SMOX: variants seen among roughly 807,000 people sequenced by gnomAD.
The protein encoded by SMOX is spermine oxidase.
Under a neutral mutation model 51.0 loss-of-function variants are expected in SMOX, and 22 were observed. The observed-to-expected ratio is 0.43, with a 90% CI of 0.31 to 0.62. The LOEUF (loss-of-function observed/expected upper bound fraction) is 0.62, where lower values mean the gene tolerates loss of function less well. Ranked by LOEUF, SMOX falls within the 20% of genes least tolerant of loss-of-function variation. The probability of loss-of-function intolerance (pLI) is 0.10; values close to 1 mark genes in which losing one functional copy is unlikely to be tolerated. For missense variants in SMOX, 566 were observed against 777.7 expected, an observed-to-expected ratio of 0.73 and a Z score of 3.24; for synonymous variants, 282 against 307.8, an observed-to-expected ratio of 0.92 and a Z score of 0.88.
At position 4,181,765 on chromosome 20, in the gene SMOX, G is replaced by GAC; in HGVS notation, c.436-37_436-36insCA. On this transcript the variant is annotated intron_variant, in intron 3 of 6. Transcript: ENST00000305958. This position sits in a 1 kb window ranked among gnomAD's most constrained non-coding sequence, Gnocchi z 5.6. Reference sequence around the variant, plus strand: ...GGCCTTCTGTTTGAGATGGAGGTGTGATGAGGTGTTTTCAGTCTCATGGGG... The same window carrying GAC: ...GGCCTTCTGTTTGAGATGGAGGTGTGACATGAGGTGTTTTCAGTCTCATGGGG... 1 of 1,601,324 alleles carries GAC rather than the reference G, an allele frequency of 6.2e-7. No homozygotes were observed. Among genetic ancestry groups the GAC allele is most frequent in the Non-Finnish European group, 8.5e-7 (1 of 1,172,948 alleles).
intron 1 of SMOX, 96 bp from the exon 2 acceptor site, chr20:4,174,934 C>A: frequency 1.6e-6 from 2 of 1,286,148 alleles, no homozygotes; most frequent in Non-Finnish European, 2.2e-6. Flanking sequence ...CCACCCACAA[C>A]AGAGGGCAGA....
In SMOX at chr20:4,175,127, G is replaced by A; in HGVS notation, c.72G>A (p.Gln24=). 1 of 1,614,242 alleles carries A rather than the reference G, an allele frequency of 6.2e-7. No individual in the cohort carries two copies. Among genetic ancestry groups the A allele is most frequent in the South Asian group, 1.1e-5 (1 of 91,082 alleles). Residue 24 remains glutamine, a synonymous_variant, in exon 2 of 7, where the codon CAG becomes CAA. Transcript: ENST00000305958. The part of the protein sequence containing the change: ...PLSRGLRRRG[Q]PRVVVIGAGL... ...GTCGCGGCCTACGGAGAAGGGGACA[G>A]CCTCGTGTGGTGGTGATCGGCGCCG...
Position 4,149,730 on chromosome 20 carries a change from A to G in SMOX, c.-27+753A>G, listed in dbSNP as rs1470201725. ...GGCCCGCGGAGCTTGCGCCAGGGGGACTTGGCCCGATGAGATACGCTCGGT... is the reference window on the plus strand; with the variant it reads ...GGCCCGCGGAGCTTGCGCCAGGGGGGCTTGGCCCGATGAGATACGCTCGGT... On this transcript the variant is annotated intron_variant, in intron 1 of 6. Transcript: ENST00000305958. The surrounding 1 kb of genome is among the most constrained non-coding windows in gnomAD (Gnocchi z 6.0). 1.3e-5 allele frequency among the ~76,000 whole-genome samples: 2 copies of G among 152,006 alleles called. No homozygotes were observed. The highest frequency in any genetic ancestry group is 2.4e-5 in the African/African-American group (1 of 41,382).
Position 4,181,803 on chromosome 20 carries a change from G to A in SMOX, c.436G>A (p.Val146Ile). The A allele has an allele frequency of 6.2e-7, 1 of 1,613,852 alleles. No individual in the cohort carries two copies. The highest frequency in any genetic ancestry group is 1.7e-5 in the Admixed American group (1 of 60,002). ...VEEFSDLYNE[V>I]YNLTQEFFRH... ...CAGTCTCATGGGGTCTCTCTGGCAGGTCTATAACTTGACCCAGGAGTTCTT... is the reference window on the plus strand; with the variant it reads ...CAGTCTCATGGGGTCTCTCTGGCAGATCTATAACTTGACCCAGGAGTTCTT... The change falls in exon 4 of 7, where the codon GTC (valine) becomes ATC (isoleucine). Residue 146 changes from valine to isoleucine, a missense_variant and splice_region_variant. Physicochemically the swap from Val to Ile is conservative, Grantham distance 29 (BLOSUM62 3). Coordinates refer to ENST00000305958, the MANE Select transcript of SMOX (RefSeq NM_175839.3). This position sits in a 1 kb window ranked among gnomAD's most constrained non-coding sequence, Gnocchi z 5.6.
In SMOX at chr20:4,187,218, C is replaced by CT. The variant is rs1409497533; in HGVS notation, c.1531-50dup. ...TGGTGGAGAGGGGTGGCCTTGTGGC[C>CT]TTCTGGCCTTTGCTGCTCCTCCACC... is the stretch of plus-strand genomic sequence containing the variant. On this transcript the variant is annotated intron_variant, in intron 6 of 6. Coordinates refer to ENST00000305958, the MANE Select transcript of SMOX (RefSeq NM_175839.3). The surrounding 1 kb of genome is among the most constrained non-coding windows in gnomAD (Gnocchi z 4.8). 1.3e-6 allele frequency: 2 copies of CT among 1,576,502 alleles called. No individual in the cohort carries two copies. Among genetic ancestry groups the CT allele is most frequent in the Non-Finnish European group, 1.7e-6 (2 of 1,157,590 alleles).
rs1165885896 is a variant in SMOX at position 4,170,848 on chromosome 20, G to C, written c.-26-4182G>C. ...GGGGGAGGCGGTGGCCTGCAGGCTG[G>C]AGAACTGGCTGCGTGGTATCTTGGA... is the stretch of plus-strand genomic sequence containing the variant. On this transcript the variant is annotated intron_variant, in intron 1 of 6. Transcript: ENST00000305958. This position sits in a 1 kb window ranked among gnomAD's most constrained non-coding sequence, Gnocchi z 4.6. 6.6e-6 allele frequency among the ~76,000 whole-genome samples: 1 copy of C among 152,188 alleles called. No individual in the cohort carries two copies. The highest frequency in any genetic ancestry group is 1.5e-5 in the Non-Finnish European group (1 of 68,034).
rs180822100 is a variant in SMOX at position 4,187,708 on chromosome 20, G to C, written c.*301G>C. On this transcript the variant is annotated 3_prime_UTR_variant, in exon 7 of 7. Coordinates refer to ENST00000305958, the MANE Select transcript of SMOX (RefSeq NM_175839.3). This position sits in a 1 kb window ranked among gnomAD's most constrained non-coding sequence, Gnocchi z 4.8. ...TTTGCATTTTGGGATAATAAAAAAG[G>C]CTCCCTCCCCTGCCCCTCAGCTTCT... The C allele has an allele frequency of 3.5e-6, 1 of 283,692 alleles. No individual in the cohort carries two copies. Among genetic ancestry groups the C allele is most frequent in the Non-Finnish European group, 6.6e-6 (1 of 151,276 alleles). The allele number at this position is 283,692 out of a possible 1,614,324, so 17.6% of individuals were successfully genotyped here.
At chr20:4,180,551 C>A (rs1261936831) in intron 3 of SMOX, among the ~76,000 whole-genome samples, 1 of 152,214 alleles carries the variant, frequency 6.6e-6, no homozygotes, top group African/African-American at 2.4e-5. Flanking sequence ...CGCCTTCTTG[C>A]TCACGGCCCT....
chr20:4,175,010 G>C lies in SMOX; in HGVS notation c.-26-20G>C. 4.4e-6 allele frequency: 7 copies of C among 1,607,776 alleles called. No individual in the cohort carries two copies. Among genetic ancestry groups the C allele is most frequent in the Admixed American group, 1.7e-5 (1 of 59,960 alleles). On this transcript the variant is annotated intron_variant, in intron 1 of 6. Transcript: ENST00000305958. ...AGTGAAGGCAGAGCCACTAAGCTGT[G>C]ACACCTCCTCCCCCTGCAGGTTCCT...
Position 4,182,437 on chromosome 20 carries a change from T to G in SMOX, c.958T>G (p.Cys320Gly), listed in dbSNP as rs1451656008. The change falls in exon 5 of 7, where the codon TGT (cysteine) becomes GGT (glycine). Residue 320 changes from cysteine to glycine, a missense_variant. By Grantham distance (159) the Cys-to-Gly change is radical. Around this residue, in one of 3 missense-constraint regions of SMOX, gnomAD observed 347 missense variants for 481.8 expected, o/e 0.72. Transcript: ENST00000305958. This position sits in a 1 kb window ranked among gnomAD's most constrained non-coding sequence, Gnocchi z 8.4. ...GTCGGTGGTGGTGGAGTGCGAGGAC[T>G]GTGAGCTGATCCCGGCGGACCATGT... The part of the protein sequence containing the change: ...QWSVVVECED[C>G]ELIPADHVIV... 2.5e-6 allele frequency: 4 copies of G among 1,601,818 alleles called. No individual in the cohort carries two copies. The highest frequency in any genetic ancestry group is 3.4e-6 in the Non-Finnish European group (4 of 1,173,600).
rs532134900 is a variant in SMOX at position 4,177,825 on chromosome 20, T to G, written c.435+248T>G. On this transcript the variant is annotated intron_variant, in intron 3 of 6. Transcript: ENST00000305958. This position sits in a 1 kb window ranked among gnomAD's most constrained non-coding sequence, Gnocchi z 4.3. ...TGTATTAATTTATATTCTAATAATATTTTGGAATTTATGTATATAACTCTA... is the reference window on the plus strand; with the variant it reads ...TGTATTAATTTATATTCTAATAATAGTTTGGAATTTATGTATATAACTCTA... Among the ~76,000 whole-genome samples, 1 of 152,328 alleles carries G rather than the reference T, an allele frequency of 6.6e-6. No individual in the cohort carries two copies. Among genetic ancestry groups the G allele is most frequent in the South Asian group, 2.1e-4 (1 of 4,826 alleles).
At position 4,170,554 on chromosome 20, in the gene SMOX, C is replaced by T. The variant is rs920046115; in HGVS notation, c.-26-4476C>T. ...CCATCTCAGCTCACTGCAACTAGAG[C>T]GTAAATTTCTGAGGGTGTCAAAATG... On this transcript the variant is annotated intron_variant, in intron 1 of 6. Transcript: ENST00000305958. The surrounding 1 kb of genome is among the most constrained non-coding windows in gnomAD (Gnocchi z 4.6). Among the ~76,000 whole-genome samples the T allele has an allele frequency of 2.0e-5, 3 of 152,036 alleles. No homozygotes were observed. Among genetic ancestry groups the T allele is most frequent in the African/African-American group, 2.4e-5 (1 of 41,354 alleles).
At chr20:4,150,020 C>T (rs1985654779) in intron 1 of SMOX, among the ~76,000 whole-genome samples, 1 of 152,200 alleles carries the variant, frequency 6.6e-6, no homozygotes, top group Non-Finnish European at 1.5e-5. Context: ...CTGGCCCTGC[C>T]TCCGCTTGGA....
chr20:4,182,275 T>C lies in SMOX; in HGVS notation c.796T>C (p.Trp266Arg). The C allele has an allele frequency of 6.2e-7, 1 of 1,612,936 alleles. No homozygotes were observed. Residue 266 changes from tryptophan to arginine, a missense_variant, in exon 5 of 7, where the codon TGG (tryptophan) becomes CGG (arginine). By Grantham distance (101) the Trp-to-Arg change is moderately radical (BLOSUM62 -3). Coordinates refer to ENST00000305958, the MANE Select transcript of SMOX (RefSeq NM_175839.3). The surrounding 1 kb of genome is among the most constrained non-coding windows in gnomAD (Gnocchi z 8.4). ...AGGGAAACCTGTCCGCTGCATTCAC[T>C]GGGACCAGGCCTCAGCCCGCCCCAG... ...QLGKPVRCIH[W>R]DQASARPRGP... is the part of the protein sequence containing the mutation.
rs558875069 is a variant in SMOX at position 4,181,685 on chromosome 20, A to G, written c.436-118A>G. On this transcript the variant is annotated intron_variant, in intron 3 of 6. Transcript: ENST00000305958. The surrounding 1 kb of genome is among the most constrained non-coding windows in gnomAD (Gnocchi z 5.6). The stretch of plus-strand genomic sequence containing the variant: ...AACATCGGATCCCTAAGGGACAGAG[A>G]CCAGGGGCTCAGTGCATCCAGGGGA... 5.7e-6 allele frequency: 7 copies of G among 1,235,796 alleles called. No individual in the cohort carries two copies. The Middle Eastern group carries it at 8.3e-4, about 147-fold the overall frequency. The allele number at this position is 1,235,796 out of a possible 1,614,324, so 76.6% of individuals were successfully genotyped here.
rs1252703582 is a variant in SMOX at position 4,182,267 on chromosome 20, G to T, written c.788G>T (p.Cys263Phe). The T allele has an allele frequency of 6.2e-7, 1 of 1,613,268 alleles. No homozygotes were observed. The highest frequency in any genetic ancestry group is 8.5e-7 in the Non-Finnish European group (1 of 1,179,672). ...ATCCAGCTAGGGAAACCTGTCCGCTGCATTCACTGGGACCAGGCCTCAGCC... is the reference window on the plus strand; with the variant it reads ...ATCCAGCTAGGGAAACCTGTCCGCTTCATTCACTGGGACCAGGCCTCAGCC... ...HVIQLGKPVRCIHWDQASARP... is the reference protein window; with the variant it reads ...HVIQLGKPVRFIHWDQASARP... Residue 263 changes from cysteine to phenylalanine, a missense_variant, in exon 5 of 7, where the codon TGC becomes TTC. Cys to Phe is a radical substitution (Grantham distance 205). Around this residue, in one of 3 missense-constraint regions of SMOX, gnomAD observed 347 missense variants for 481.8 expected, o/e 0.72. Transcript: ENST00000305958. This position sits in a 1 kb window ranked among gnomAD's most constrained non-coding sequence, Gnocchi z 8.4.
chr20:4,165,445 C>T (rs1986533017), intron 1 of SMOX, among the ~76,000 whole-genome samples: 1 of 152,154 alleles, frequency 6.6e-6, no homozygotes, highest in Non-Finnish European at 1.5e-5. Flanking sequence ...AGCAATCCTC[C>T]CACGTCAGCT....
At chr20:4,158,519 A>G (rs1986146855) in intron 1 of SMOX, among the ~76,000 whole-genome samples, 1 of 152,120 alleles carries the variant, frequency 6.6e-6, no homozygotes, top group South Asian at 2.1e-4. Context: ...TTCTTGAGGG[A>G]CGGCATTAAG....
Position 4,187,340 on chromosome 20 carries a change from T to C in SMOX, c.1601T>C (p.Leu534Pro), listed in dbSNP as rs1399202677. The C allele has an allele frequency of 1.9e-6, 3 of 1,614,242 alleles. No individual in the cohort carries two copies. Among genetic ancestry groups the C allele is most frequent in the Non-Finnish European group, 2.5e-6 (3 of 1,180,036 alleles). Residue 534 changes from leucine (L) to proline (P), a missense_variant, in exon 7 of 7, where the codon CTG becomes CCG. By Grantham distance (98) the Leu-to-Pro change is moderately conservative. Coordinates refer to ENST00000305958, the MANE Select transcript of SMOX (RefSeq NM_175839.3). The surrounding 1 kb of genome is among the most constrained non-coding windows in gnomAD (Gnocchi z 4.8). Reference protein sequence around the residue: ...KYYSTTHGALLSGQREAARLI... With the variant: ...KYYSTTHGALPSGQREAARLI... ...TATTCCACCACCCACGGTGCTCTGCTGTCCGGCCAGCGTGAGGCTGCCCGC... is the reference window on the plus strand; with the variant it reads ...TATTCCACCACCCACGGTGCTCTGCCGTCCGGCCAGCGTGAGGCTGCCCGC...
Sources: gnomAD v4.1 joint callset for allele counts (sites outside exome capture counted in the v4.1 genomes callset) on GRCh38, gnomAD v4.1.1 for gene constraint, gnomAD v4.1.1 regional missense constraint, Gnocchi (gnomAD v3.1) non-coding constraint, MANE v1.5 for transcripts, NCBI Gene and HGNC (gene_info 2026-07-23, HGNC 2026-07-21) for gene names.